Variants in FER1L6 observed in about 807,000 individuals in gnomAD.
The protein encoded by FER1L6 is fer-1-like protein 6.
In FER1L6, 177 loss-of-function variants were observed where a neutral mutation model predicts 219.2. The observed-to-expected ratio is 0.81, with a 90% CI of 0.71 to 0.91. The LOEUF is 0.91. Ranked by LOEUF, FER1L6 falls within the 40% of genes least tolerant of loss-of-function variation. The pLI is 0.00. For synonymous variants in FER1L6, 768 were observed against 824.3 expected (o/e 0.93, Z 1.17); for missense variants, 2,153 against 2,259.9 (o/e 0.95, Z 0.96).
chr8:123,978,677 TAATA>T (rs1374123962), intron 10 of FER1L6, among the ~76,000 whole-genome samples: 1 of 152,212 alleles, frequency 6.6e-6, no homozygotes, highest in Admixed American at 6.5e-5. Context: ...ATATATACAT[TAATA>T]AATATATCAC....
intron 1 of FER1L6, among the ~76,000 whole-genome samples, chr8:123,887,540 T>G (rs1347845271): frequency 2.0e-5 from 3 of 152,186 alleles, no homozygotes; most frequent in Non-Finnish European, 4.4e-5. Context: ...TCCAGATAGG[T>G]GAGTGTCCTT....
chr8:123,969,644 G>A (rs1260368375), intron 5 of FER1L6, among the ~76,000 whole-genome samples: 1 of 151,972 alleles, frequency 6.6e-6, no homozygotes, highest in Non-Finnish European at 1.5e-5. Context: ...GTGATTGATA[G>A]CATTGTTTTC....
At chr8:123,972,587 TCATTC>T (rs1385279524) in intron 6 of FER1L6, among the ~76,000 whole-genome samples, 1 of 152,212 alleles carries the variant, frequency 6.6e-6, no homozygotes, top group Admixed American at 6.5e-5. Flanking sequence ...CTAGGAAAGC[TCATTC>T]CATTGCTGGG....
chr8:124,103,888 T>TA (rs1360822889), intron 39 of FER1L6, among the ~76,000 whole-genome samples: 3 of 152,220 alleles, frequency 2.0e-5, no homozygotes, highest in African/African-American at 7.2e-5. Context: ...CTGAGACTGA[T>TA]AGCAGGGTCT....
At chr8:123,933,390 GTGTGTGTGTGTC>G (rs111504190) in intron 1 of FER1L6, among the ~76,000 whole-genome samples, 31,697 of 142,858 alleles carry the variant, frequency 0.22, 4,185 homozygotes, top group African/African-American at 0.38. Context: ...GTGTGTGTGT[GTGTGTGTGTGTC>G]TGTGTGTGTG....
At chr8:124,060,361 G>A in intron 23 of FER1L6, 71 bp downstream of exon 23, 1 of 1,498,372 alleles carries the variant, frequency 6.7e-7, no homozygotes. Context: ...AATTGTAGGA[G>A]AGGTGATATG....
At position 124,035,408 on chromosome 8, in the gene FER1L6, C is replaced by T; in HGVS notation, c.2418C>T (p.Ser806=). ...LPVGYEAEMS[S]KGAGTNHPPS... ...TAGGCTATGAAGCAGAAATGTCCTC[C>T]AAAGGGGCTGGCACCAATCACCCCC... The change falls in exon 19 of 41, where the codon TCC becomes TCT. Residue 806 remains serine (S), a synonymous_variant. Coordinates refer to ENST00000522917, the MANE Select transcript of FER1L6 (RefSeq NM_001039112.2). 1.2e-6 allele frequency: 2 copies of T among 1,613,854 alleles called. No homozygotes were observed. The highest frequency in any genetic ancestry group is 1.7e-5 in the Admixed American group (1 of 60,008).
chr8:123,981,028 C>T (rs1240304888), intron 11 of FER1L6, among the ~76,000 whole-genome samples: 1 of 152,166 alleles, frequency 6.6e-6, no homozygotes, highest in Non-Finnish European at 1.5e-5. Context: ...ATCCCCCACT[C>T]CCCCAAATAC....
chr8:123,890,574 C>G (rs950440342), intron 1 of FER1L6, among the ~76,000 whole-genome samples: 3 of 148,084 alleles, frequency 2.0e-5, no homozygotes, highest in Non-Finnish European at 4.5e-5. Context: ...CCTAAGCTAC[C>G]TTTGTCAAGC....
At chr8:123,877,518 G>A (rs888644322) in intron 1 of FER1L6, among the ~76,000 whole-genome samples, 8 of 152,102 alleles carry the variant, frequency 5.3e-5, no homozygotes, top group African/African-American at 1.9e-4. Flanking sequence ...TGAGGTGGGG[G>A]ACATGGCCAA....
chr8:123,986,005 A>C, intron 11 of FER1L6, 63 bp from the exon 12 acceptor site: 1 of 917,510 alleles, frequency 1.1e-6, no homozygotes, highest in Non-Finnish European at 1.8e-6. Context: ...CAGCATCACA[A>C]AGTCAGCTTC....
chr8:124,023,378 C>T, intron 17 of FER1L6, 66 bp from the exon 18 acceptor site: 2 of 1,507,194 alleles, frequency 1.3e-6, no homozygotes, highest in South Asian at 2.4e-5. Flanking sequence ...TCTGCAAGTG[C>T]CTTTGTTCAA....
chr8:124,010,929 T>C (rs527614691), intron 14 of FER1L6, among the ~76,000 whole-genome samples: 1 of 152,284 alleles, frequency 6.6e-6, no homozygotes, highest in Admixed American at 6.5e-5. Flanking sequence ...CTACCTGAAT[T>C]CAAATCCCTG....
At chr8:123,983,564 G>A (rs1816419585) in intron 11 of FER1L6, among the ~76,000 whole-genome samples, 1 of 152,192 alleles carries the variant, frequency 6.6e-6, no homozygotes, top group Non-Finnish European at 1.5e-5. Context: ...ATTTCCTGGA[G>A]TGAGTGAAGT....
chr8:124,115,584 TTCTC>T (rs1473708936), intron 39 of FER1L6, among the ~76,000 whole-genome samples: 1 of 152,196 alleles, frequency 6.6e-6, no homozygotes, highest in Non-Finnish European at 1.5e-5. Context: ...TTCTGGTACT[TTCTC>T]TATGGGCAGA....
chr8:123,906,461 GACA>G lies in FER1L6; in HGVS notation c.-7-49521_-7-49519del, dbSNP rs373547075. ...ATCCTTTCTCCCATGTTTAGTGTTT[GACA>G]ACAACAACACAGATATAAAAAGTTG... On this transcript the variant is annotated intron_variant, in intron 1 of 40. Transcript: ENST00000522917. Among the ~76,000 whole-genome samples, 10 of 152,110 alleles carry G rather than the reference GACA, an allele frequency of 6.6e-5. No homozygotes were observed. The East Asian group carries it at 1.4e-3, about 21-fold the overall frequency.
intron 18 of FER1L6, among the ~76,000 whole-genome samples, chr8:124,025,578 T>C (rs970053841): frequency 6.6e-6 from 1 of 152,218 alleles, no homozygotes; most frequent in Non-Finnish European, 1.5e-5. Context: ...TTGGTGACTA[T>C]AGCCTTGTAT....
In FER1L6 at chr8:124,024,199, T is replaced by A. The variant is rs1056948534; in HGVS notation, c.2286+603T>A. The stretch of plus-strand genomic sequence containing the variant: ...GCGTGAGCCACCGTACTTGGCCATT[T>A]TTTTTTTTTTTTATTTCAGTAGCTT... On this transcript the variant is annotated intron_variant, in intron 18 of 40. Transcript: ENST00000522917. Among the ~76,000 whole-genome samples the A allele has an allele frequency of 6.3e-4, 96 of 151,410 alleles. 1 individual carries two copies. The highest frequency in any genetic ancestry group is 2.0e-3 in the African/African-American group (81 of 41,148).
chr8:124,096,004 T>C (rs1450656087), intron 35 of FER1L6, among the ~76,000 whole-genome samples: 1 of 152,208 alleles, frequency 6.6e-6, no homozygotes, highest in Admixed American at 6.5e-5. Flanking sequence ...CTGGACTCAC[T>C]CACTGTGTGA....
Sources: gnomAD v4.1 joint callset for allele counts (sites outside exome capture counted in the v4.1 genomes callset) on GRCh38, gnomAD v4.1.1 for gene constraint, MANE v1.5 for transcripts, NCBI Gene and HGNC (gene_info 2026-07-23, HGNC 2026-07-21) for gene names.